CDCA7L: variants seen among roughly 807,000 people sequenced by gnomAD.
CDCA7L encodes the protein cell division cycle-associated 7-like protein.
CDCA7L carries 44 observed loss-of-function variants against 57.4 expected under a neutral mutation model. The ratio of observed to expected loss-of-function variants is 0.77; its 90% CI spans 0.60 to 0.98. CDCA7L has a LOEUF of 0.98. Among genes scored for constraint, CDCA7L ranks in the 50% least tolerant of loss-of-function variants. The pLI is 0.00. For missense variants in CDCA7L, 644 were observed against 580.6 expected, an observed-to-expected ratio of 1.11 and a Z score of -1.12; for synonymous variants, 236 against 202.8, an observed-to-expected ratio of 1.16 and a Z score of -1.39.
chr7:21,938,145 T>G (rs1786230660), intron 1 of CDCA7L, among the ~76,000 whole-genome samples: 1 of 152,094 alleles, frequency 6.6e-6, no homozygotes, highest in Non-Finnish European at 1.5e-5. Context: ...GAGAAAATAT[T>G]TGCAAATAAT....
intron 6 of CDCA7L, 87 bp downstream of exon 6, chr7:21,906,202 C>CAGCCCTG: frequency 7.5e-7 from 1 of 1,337,506 alleles, no homozygotes; most frequent in East Asian, 2.4e-5. Context: ...GGGTCAGAAC[C>CAGCCCTG]AGCCCTGGGG....
rs1784777836 is a variant in CDCA7L at position 21,900,908 on chromosome 7, A to C, written c.*1414T>G. ...CACTGACAAGCAAAAATATGACAAA[A>C]CCAGAATGTTGAATGTTTATTGCAT... On this transcript the variant is annotated 3_prime_UTR_variant, in exon 10 of 10. Transcript: ENST00000406877. 6.8e-7 allele frequency: 1 copy of C among 1,477,786 alleles called. No individual in the cohort carries two copies. The highest frequency in any genetic ancestry group is 9.0e-7 in the Non-Finnish European group (1 of 1,114,992). The allele number at this position is 1,477,786 out of a possible 1,614,324, so 91.5% of individuals were successfully genotyped here.
At chr7:21,944,408 G>A (rs1786441382) in intron 1 of CDCA7L, among the ~76,000 whole-genome samples, 1 of 121,702 alleles carries the variant, frequency 8.2e-6, no homozygotes, top group Non-Finnish European at 1.6e-5. Context: ...CCGAGGTCGC[G>A]CCATTACACT....
intron 9 of CDCA7L, 56 bp from the exon 10 acceptor site, chr7:21,902,408 C>CTAGGCTTGA: frequency 6.5e-7 from 1 of 1,531,892 alleles, no homozygotes; most frequent in Non-Finnish European, 9.0e-7. Flanking sequence ...AAATGGCATT[C>CTAGGCTTGA]TAGGCTTGAG....
chr7:21,903,177 T>C, intron 8 of CDCA7L, 63 bp from the exon 9 acceptor site: 1 of 1,535,260 alleles, frequency 6.5e-7, no homozygotes, highest in South Asian at 1.2e-5. Flanking sequence ...AGAACTGGGA[T>C]TCGGATCCAG....
At chr7:21,913,429 G>A (rs1202102702) in intron 2 of CDCA7L, among the ~76,000 whole-genome samples, 2 of 152,176 alleles carry the variant, frequency 1.3e-5, no homozygotes, top group African/African-American at 4.8e-5. Flanking sequence ...CATACTGTGT[G>A]CAAGTTCATG....
chr7:21,905,687 T>G, intron 6 of CDCA7L, 56 bp from the exon 7 acceptor site: 1 of 1,556,156 alleles, frequency 6.4e-7, no homozygotes, highest in Non-Finnish European at 8.7e-7. Flanking sequence ...ATAAAAAAAT[T>G]ATAAATATTT....
intron 1 of CDCA7L, chr7:21,944,678 G>A (rs903669568): frequency 7.2e-5 from 11 of 152,056 alleles, no homozygotes; most frequent in Admixed American, 5.9e-4. Flanking sequence ...CAAAGCTACC[G>A]TTAGTGGCTC....
In CDCA7L at chr7:21,911,566, A is replaced by G. The variant is rs780882041; in HGVS notation, c.303+51T>C. 1.5e-5 allele frequency: 23 copies of G among 1,550,064 alleles called. No homozygotes were observed. In the South Asian group the frequency reaches 2.0e-4, roughly 13 times the overall value. ...TGCTTACAAGTAAAACTCTTTCAGA[A>G]ACAGGATTAAAAACGTTACCACCCA... On this transcript the variant is annotated intron_variant, in intron 3 of 9. Transcript: ENST00000406877.
At chr7:21,924,360 G>A (rs1252846433) in intron 1 of CDCA7L, among the ~76,000 whole-genome samples, 1 of 152,012 alleles carries the variant, frequency 6.6e-6, no homozygotes, top group Non-Finnish European at 1.5e-5. Context: ...GCACACTACT[G>A]CATTTTCCTT....
chr7:21,945,483 T>TGCGCCCCGCTA (rs1786492657), intron 1 of CDCA7L, among the ~76,000 whole-genome samples: 1 of 151,990 alleles, frequency 6.6e-6, no homozygotes, highest in Non-Finnish European at 1.5e-5. Flanking sequence ...ACGCAGGCGC[T>TGCGCCCCGCTA]GCGCCCCGCT....
At chr7:21,910,510 G>A (rs1482919283) in intron 3 of CDCA7L, among the ~76,000 whole-genome samples, 4 of 152,180 alleles carry the variant, frequency 2.6e-5, no homozygotes, top group East Asian at 1.9e-4. Context: ...CACAGTCTCT[G>A]CCAAAAGTTA....
intron 1 of CDCA7L, among the ~76,000 whole-genome samples, chr7:21,923,415 C>G (rs1420765898): frequency 6.6e-6 from 1 of 152,014 alleles, no homozygotes; most frequent in Non-Finnish European, 1.5e-5. Flanking sequence ...ATCGGTTGAG[C>G]CCATGAGTTA....
intron 1 of CDCA7L, chr7:21,940,207 G>T: frequency 4.7e-6 from 2 of 426,952 alleles, no homozygotes; most frequent in Non-Finnish European, 6.3e-6. Context: ...GCCAAAGCAA[G>T]TCAAATAGCC....
Position 21,916,907 on chromosome 7 carries a change from CAA to C in CDCA7L, c.25-15_25-14del. 6 of 1,613,776 alleles carry C rather than the reference CAA, an allele frequency of 3.7e-6. No individual in the cohort carries two copies. Among genetic ancestry groups the C allele is most frequent in the Non-Finnish European group, 5.1e-6 (6 of 1,179,826 alleles). Reference sequence around the variant, plus strand: ...CTTCTTTAGGGATCTGTTTTGGATTCAAAAGAGGCAGGATTAAACCAGGGGTT... The same window carrying C: ...CTTCTTTAGGGATCTGTTTTGGATTCAAGAGGCAGGATTAAACCAGGGGTT... On this transcript the variant is annotated splice_polypyrimidine_tract_variant and intron_variant, in intron 1 of 9. Coordinates refer to ENST00000406877, the MANE Select transcript of CDCA7L (RefSeq NM_018719.5).
chr7:21,944,449 C>CGAAAAAAA (rs1435685024), intron 1 of CDCA7L, among the ~76,000 whole-genome samples: 1 of 61,658 alleles, frequency 1.6e-5, no homozygotes, highest in African/African-American at 9.0e-5. Context: ...ACTCCGTCTC[C>CGAAAAAAA]AAAAAAAAAA....
intron 1 of CDCA7L, among the ~76,000 whole-genome samples, chr7:21,943,955 A>G (rs987195582): frequency 2.6e-5 from 4 of 152,220 alleles, no homozygotes; most frequent in Non-Finnish European, 4.4e-5. Flanking sequence ...CAGTAGTGGA[A>G]GTGCAAAGAA....
chr7:21,915,693 G>T (rs1785463495), intron 2 of CDCA7L, among the ~76,000 whole-genome samples: 1 of 151,460 alleles, frequency 6.6e-6, no homozygotes, highest in Non-Finnish European at 1.5e-5. Context: ...CAGGCGTGGT[G>T]GTGGGAGCCT....
rs1337984819 is a variant in CDCA7L at position 21,900,944 on chromosome 7, AC to A, written c.*1377del. 6 of 868,774 alleles carry A rather than the reference AC, an allele frequency of 6.9e-6. No individual in the cohort carries two copies. The highest frequency in any genetic ancestry group is 9.4e-6 in the Non-Finnish European group (6 of 638,474). The allele number at this position is 868,774 out of a possible 1,614,324, so 53.8% of individuals were successfully genotyped here. A position where few individuals can be genotyped will look rare whatever the true frequency, so the allele number is the denominator to read the frequency against. The stretch of plus-strand genomic sequence containing the variant: ...GAATGTTTATTGCATCAAACAACTT[AC>A]TTGATCATTATCATTAGTAGCAAGC... On this transcript the variant is annotated 3_prime_UTR_variant, in exon 10 of 10. Coordinates refer to ENST00000406877, the MANE Select transcript of CDCA7L (RefSeq NM_018719.5).
Sources: allele counts gnomAD v4.1 joint callset (sites outside exome capture counted in the v4.1 genomes callset), GRCh38; gene constraint gnomAD v4.1.1; transcripts MANE v1.5; gene names NCBI Gene and HGNC (gene_info 2026-07-23, HGNC 2026-07-21).